ATM: variants seen among roughly 807,000 people sequenced by gnomAD.
The protein encoded by ATM is ATM serine/threonine kinase.
A neutral mutation model predicts 387.0 loss-of-function variants in ATM; 308 were observed. The ratio of observed to expected loss-of-function variants is 0.80; its 90% CI spans 0.73 to 0.87. The LOEUF (loss-of-function observed/expected upper bound fraction) is 0.87, where lower values mean the gene tolerates loss of function less well. Ranked by LOEUF, ATM falls within the 40% of genes least tolerant of loss-of-function variation. The pLI, the probability that ATM is intolerant of heterozygous loss-of-function variation, is 0.00. For synonymous variants in ATM, 1,156 were observed against 1,187.3 expected (o/e 0.97, Z 0.54); for missense variants, 3,312 against 3,560.9 (o/e 0.93, Z 1.78).
At chr11:108,344,180 GAA>G (rs1756245131) in intron 57 of ATM, among the ~76,000 whole-genome samples, 1 of 152,172 alleles carries the variant, frequency 6.6e-6, no homozygotes, top group South Asian at 2.1e-4. Flanking sequence ...TGTTGTGATG[GAA>G]GTCTGTACAG....
rs763730344 is a variant in ATM at position 108,331,965 on chromosome 11, G to C, written c.7716G>C (p.Leu2572=). 1.2e-6 allele frequency: 2 copies of C among 1,613,970 alleles called. No individual in the cohort carries two copies. The highest frequency in any genetic ancestry group is 2.2e-5 in the South Asian group (2 of 91,062). ...CAAATGCAAACAGAGATGAATTTCT[G>C]ACTAAACCAGAGGTAGCCAGAAGAA... is the stretch of plus-strand genomic sequence containing the variant. ...ALANANRDEF[L]TKPEVARRSR... is the part of the protein sequence containing the mutation. Residue 2572 remains leucine, a synonymous_variant, in exon 52 of 63, where the codon CTG becomes CTC. Transcript: ENST00000675843.
rs748874219 is a variant in ATM, at chr11:108,365,079, T to C, written c.8851-3T>C. ...TTTTAATACATATGTTCTCTCTGTT[T>C]AGGTCCTTCTATATGATCCACTCTT... On this transcript the variant is annotated splice_polypyrimidine_tract_variant and splice_region_variant and intron_variant, in intron 61 of 62. Coordinates refer to ENST00000675843, the MANE Select transcript of ATM (RefSeq NM_000051.4). 2.5e-6 allele frequency: 4 copies of C among 1,613,896 alleles called. No individual in the cohort carries two copies. The South Asian group carries it at 3.3e-5, about 13-fold the overall frequency.
chr11:108,362,282 T>G (rs112820445), intron 61 of ATM, among the ~76,000 whole-genome samples: 12,349 of 150,078 alleles, frequency 0.082, 539 homozygotes, highest in Middle Eastern at 0.12. Flanking sequence ...TGGCAGTCAT[T>G]AAAAAGTCAG....
chr11:108,278,190 C>T lies in ATM; in HGVS notation c.3285-1301C>T, dbSNP rs147813758. Among the ~76,000 whole-genome samples the T allele has an allele frequency of 6.9e-3, 1,050 of 152,186 alleles. 17 individuals are homozygous for T. Among genetic ancestry groups the T allele is most frequent in the African/African-American group, 0.023 (970 of 41,516 alleles). On this transcript the variant is annotated intron_variant, in intron 22 of 62. Coordinates refer to ENST00000675843, the MANE Select transcript of ATM (RefSeq NM_000051.4). The stretch of plus-strand genomic sequence containing the variant: ...CTAATATTTCAGTATTTGAATATGC[C>T]GACAGTAATGTTTTCATAAACTAGA...
intron 56 of ATM, among the ~76,000 whole-genome samples, chr11:108,341,301 G>A (rs1000994696): frequency 4.6e-5 from 7 of 152,046 alleles, no homozygotes; most frequent in African/African-American, 1.7e-4. Flanking sequence ...TTCTGCTGCA[G>A]TGTTACCCTC....
chr11:108,264,243 G>A (rs1365175177), intron 16 of ATM, among the ~76,000 whole-genome samples: 1 of 151,910 alleles, frequency 6.6e-6, no homozygotes, highest in Non-Finnish European at 1.5e-5. Context: ...TAAAATACTG[G>A]CAAACTGAAT....
At chr11:108,284,121 G>A (rs2082364738) in intron 25 of ATM, 106 bp from the exon 26 acceptor site, 2 of 815,344 alleles carry the variant, frequency 2.5e-6, no homozygotes, top group Non-Finnish European at 1.9e-6. Context: ...GATAAAGTAT[G>A]ATACTTTAAT....
In ATM at chr11:108,282,702, T is replaced by C. The variant is rs1555092222; in HGVS notation, c.3577-8T>C. ...TTTCTTAACACATTGACTTTTTGGT[T>C]CGTGCAGGTTTTAGAGAAAGTTTCT... On this transcript the variant is annotated splice_region_variant and splice_polypyrimidine_tract_variant and intron_variant, in intron 24 of 62. Transcript: ENST00000675843. 6.2e-7 allele frequency: 1 copy of C among 1,612,390 alleles called. No individual in the cohort carries two copies. Among genetic ancestry groups the C allele is most frequent in the Non-Finnish European group, 8.5e-7 (1 of 1,179,320 alleles).
rs2135890624 is a variant in ATM, at chr11:108,299,803, G to T, written c.5095G>T (p.Ala1699Ser). 6.2e-7 allele frequency: 1 copy of T among 1,613,836 alleles called. No homozygotes were observed. Residue 1699 changes from alanine to serine, a missense_variant, in exon 34 of 63, where the codon GCC becomes TCC. Coordinates refer to ENST00000675843, the MANE Select transcript of ATM (RefSeq NM_000051.4). ...QHSKDASYTK[A>S]LKLFEDKELQ... Reference sequence around the variant, plus strand: ...TAGTAAAGATGCATCTTATACCAAGGCCCTTAAGTTATTTGAAGATAAAGA... The same window carrying T: ...TAGTAAAGATGCATCTTATACCAAGTCCCTTAAGTTATTTGAAGATAAAGA...
Position 108,257,497 on chromosome 11 carries a change from C to T in ATM, c.2267C>T (p.Ala756Val), listed in dbSNP as rs2135405974. 6.2e-7 allele frequency: 1 copy of T among 1,613,160 alleles called. No homozygotes were observed. The highest frequency in any genetic ancestry group is 1.1e-5 in the South Asian group (1 of 91,070). Residue 756 changes from alanine (A) to valine (V), a missense_variant, in exon 15 of 63, where the codon GCA (alanine) becomes GTA (valine). Physicochemically the swap from Ala to Val is moderately conservative, Grantham distance 64. Coordinates refer to ENST00000675843, the MANE Select transcript of ATM (RefSeq NM_000051.4). ...TCACAATAGTCTCTAATGCAATGTGCAGGAGAAAGTATCACTCTGTTTAAA... is the reference window on the plus strand; with the variant it reads ...TCACAATAGTCTCTAATGCAATGTGTAGGAGAAAGTATCACTCTGTTTAAA... ...FQKAKSLMQC[A>V]GESITLFKNK...
rs4987919 is a variant in ATM, at chr11:108,244,751, C to T, written c.663-37C>T. The T allele has an allele frequency of 1.6e-4, 244 of 1,498,040 alleles. No individual in the cohort carries two copies. The highest frequency in any genetic ancestry group is 2.2e-4 in the Non-Finnish European group (233 of 1,075,152). 92.8% of individuals were successfully genotyped at this position (1,498,040 alleles called of 1,614,324 possible). A position where few individuals can be genotyped will look rare whatever the true frequency, so the allele number is the denominator to read the frequency against. ...GTTCAGTTTGTACAGTTTGTTCCCC[C>T]TGTTATACCCAGTTGAGCTTGTTTG... On this transcript the variant is annotated intron_variant, in intron 6 of 62. Coordinates refer to ENST00000675843, the MANE Select transcript of ATM (RefSeq NM_000051.4).
intron 16 of ATM, among the ~76,000 whole-genome samples, chr11:108,263,808 G>A (rs1313044401): frequency 2.4e-3 from 368 of 150,864 alleles, no homozygotes; most frequent in African/African-American, 7.8e-3. Flanking sequence ...TATCACCACC[G>A]ATCCCACAGC....
In ATM at chr11:108,292,801, T is replaced by G. The variant is rs1057522426; in HGVS notation, c.4611+8T>G. 5 of 1,613,390 alleles carry G rather than the reference T, an allele frequency of 3.1e-6. No homozygotes were observed. Among genetic ancestry groups the G allele is most frequent in the Non-Finnish European group, 4.2e-6 (5 of 1,179,404 alleles). On this transcript the variant is annotated splice_region_variant and intron_variant, in intron 30 of 62. Coordinates refer to ENST00000675843, the MANE Select transcript of ATM (RefSeq NM_000051.4). ...GTGGAGGTTCAGAAACAGGTAATTTTCTGACTCATCTTCAAAATGGTATTT... is the reference window on the plus strand; with the variant it reads ...GTGGAGGTTCAGAAACAGGTAATTTGCTGACTCATCTTCAAAATGGTATTT...
intron 45 of ATM, among the ~76,000 whole-genome samples, chr11:108,323,157 G>A (rs2085353910): frequency 6.6e-6 from 1 of 152,164 alleles, no homozygotes; most frequent in Non-Finnish European, 1.5e-5. Context: ...AAATTTTAGA[G>A]TCAGAAGAAA....
intron 16 of ATM, among the ~76,000 whole-genome samples, chr11:108,266,515 T>A (rs1287743730): frequency 2.5e-4 from 35 of 137,906 alleles, no homozygotes; most frequent in Non-Finnish European, 3.0e-4. Flanking sequence ...GGGATAGCAT[T>A]GGGAGATATA....
intron 47 of ATM, 48 bp from the exon 48 acceptor site, chr11:108,327,597 C>T (rs2085800808): frequency 6.9e-7 from 1 of 1,448,244 alleles, no homozygotes; most frequent in Non-Finnish European, 9.7e-7. Context: ...CAGTTGGGTA[C>T]AGTCATGGTA....
rs2135975793 is a variant in ATM, at chr11:108,307,902, G to C, written c.5680G>C (p.Glu1894Gln). 1 of 1,613,252 alleles carries C rather than the reference G, an allele frequency of 6.2e-7. No individual in the cohort carries two copies. The highest frequency in any genetic ancestry group is 8.5e-7 in the Non-Finnish European group (1 of 1,179,464). ...GAGATATTTTTGTTTGTCAGAGTCA[G>C]AGCACTTTTTCCGATGCTGTTTGGA... The part of the protein sequence containing the change: ...TTPANLDSES[E>Q]HFFRCCLDKK... The change falls in exon 38 of 63, where the codon GAG (glutamate) becomes CAG (glutamine). Residue 1894 changes from glutamate (E) to glutamine (Q), a missense_variant. Glu to Gln is a conservative substitution (Grantham distance 29, BLOSUM62 2). Around this residue, in one of 4 missense-constraint regions of ATM, gnomAD observed 1,405 missense variants for 1,604.4 expected, o/e 0.88. Coordinates refer to ENST00000675843, the MANE Select transcript of ATM (RefSeq NM_000051.4).
chr11:108,256,437 G>T, intron 14 of ATM, 97 bp downstream of exon 14: 3 of 1,309,536 alleles, frequency 2.3e-6, no homozygotes, highest in South Asian at 1.2e-5. Context: ...TAAATTTTAT[G>T]CAGGTTAACC....
intron 22 of ATM, among the ~76,000 whole-genome samples, chr11:108,277,255 C>T (rs1387218038): frequency 6.6e-6 from 1 of 152,166 alleles, no homozygotes; most frequent in Non-Finnish European, 1.5e-5. Flanking sequence ...TCAGACTGTT[C>T]TGCTGGCAGC....
Sources: allele counts gnomAD v4.1 joint callset (sites outside exome capture counted in the v4.1 genomes callset), GRCh38; gene constraint gnomAD v4.1.1; regional missense constraint gnomAD v4.1.1; transcripts MANE v1.5; gene names NCBI Gene and HGNC (gene_info 2026-07-23, HGNC 2026-07-21).